TLE7: variants seen among roughly 807,000 people sequenced by gnomAD.
TLE7 encodes the protein transducin-like enhancer protein 7.
chr16:71,431,029 C>T lies in TLE7; in HGVS notation c.1147+92G>A, dbSNP rs571760556. 29 of 399,904 alleles carry T rather than the reference C, an allele frequency of 7.3e-5. No individual in the cohort carries two copies. The South Asian group carries it at 3.7e-3, about 51-fold the overall frequency. The allele number at this position is 399,904 out of a possible 1,614,324, so 24.8% of individuals were successfully genotyped here. The stretch of plus-strand genomic sequence containing the variant: ...GCAGGATCTCCCATTACGGAGGGAG[C>T]CAGAAAAGGAAAGGGGGGTGAACAG... On this transcript the variant is annotated intron_variant, in intron 8 of 9. Transcript: ENST00000561754. The surrounding 1 kb of genome is among the most constrained non-coding windows in gnomAD (Gnocchi z 4.5).
At chr16:71,435,134 T>C (rs1007433086) in intron 1 of TLE7, among the ~76,000 whole-genome samples, 6 of 152,164 alleles carry the variant, frequency 3.9e-5, no homozygotes, top group Non-Finnish European at 7.3e-5. Flanking sequence ...AGGACATGGC[T>C]AGGCACGGTA....
chr16:71,436,048 C>A (rs2042824879), intron 1 of TLE7, among the ~76,000 whole-genome samples: 1 of 152,174 alleles, frequency 6.6e-6, no homozygotes, highest in African/African-American at 2.4e-5. Flanking sequence ...TCTTCTCTCT[C>A]CCAGAGCTAG....
Position 71,431,586 on chromosome 16 carries a change from G to A in TLE7, c.852-24C>T. ...TCCTGGTGGGTGGGAAAACAACTCA[G>A]AGGGTCACTGAATGGTTTGGGCCCC... On this transcript the variant is annotated intron_variant, in intron 6 of 9. Transcript: ENST00000561754. This position sits in a 1 kb window ranked among gnomAD's most constrained non-coding sequence, Gnocchi z 4.5. The A allele has an allele frequency of 2.5e-6, 1 of 400,770 alleles. No individual in the cohort carries two copies. The highest frequency in any genetic ancestry group is 4.4e-6 in the Non-Finnish European group (1 of 226,300). The allele number at this position is 400,770 out of a possible 1,614,324, so 24.8% of individuals were successfully genotyped here. A position where few individuals can be genotyped will look rare whatever the true frequency, so the allele number is the denominator to read the frequency against.
intron 1 of TLE7, among the ~76,000 whole-genome samples, chr16:71,439,562 A>G (rs572302183): frequency 5.3e-5 from 8 of 152,158 alleles, no homozygotes; most frequent in Admixed American, 3.9e-4. Flanking sequence ...TTCTAGGGAT[A>G]GAATGGGGGG....
chr16:71,433,814 C>T (rs1350540802), intron 1 of TLE7, among the ~76,000 whole-genome samples: 8 of 152,058 alleles, frequency 5.3e-5, no homozygotes, highest in East Asian at 1.9e-4. Flanking sequence ...AAAAATTAGC[C>T]GGGCATGATG....
At chr16:71,432,582 G>C (rs568166243) in intron 4 of TLE7, 83 bp downstream of exon 4, 4 of 398,702 alleles carry the variant, frequency 1.0e-5, no homozygotes, top group African/African-American at 8.2e-5. Context: ...CTATGGGAGA[G>C]AGAGTGAAAG....
At chr16:71,436,624 C>T (rs1000532108) in intron 1 of TLE7, among the ~76,000 whole-genome samples, 3 of 152,208 alleles carry the variant, frequency 2.0e-5, no homozygotes, top group African/African-American at 4.8e-5. Context: ...TTGAGCTGTT[C>T]GCCAGAGCCA....
chr16:71,441,249 C>CT (rs968701173), intron 1 of TLE7, among the ~76,000 whole-genome samples: 38 of 152,136 alleles, frequency 2.5e-4, no homozygotes, highest in Non-Finnish European at 4.1e-4. Flanking sequence ...GAAAAGTTCA[C>CT]TTTTTTTTGT....
At chr16:71,439,582 G>A (rs1354200090) in intron 1 of TLE7, among the ~76,000 whole-genome samples, 2 of 152,038 alleles carry the variant, frequency 1.3e-5, no homozygotes. Flanking sequence ...GAAGGGACAA[G>A]ACTGGAGGCT....
chr16:71,430,407 G>A (rs1596983812), intron 9 of TLE7, 41 bp from the exon 10 acceptor site: 2 of 398,816 alleles, frequency 5.0e-6, no homozygotes, highest in East Asian at 7.1e-5. Flanking sequence ...CACATTTGGG[G>A]CCAGACATGA....
rs1005653954 is a variant in TLE7 at position 71,431,674 on chromosome 16, G to C, written c.851+87C>G. ...CCAGATATATCTTCTACACTGACTC[G>C]CCCAGCCCTAATGCAAAGAGGGGAA... On this transcript the variant is annotated intron_variant, in intron 6 of 9. Coordinates refer to ENST00000561754, the MANE Select transcript of TLE7 (RefSeq NM_001367365.2). This position sits in a 1 kb window ranked among gnomAD's most constrained non-coding sequence, Gnocchi z 4.5. The C allele has an allele frequency of 2.5e-6, 1 of 400,162 alleles. No individual in the cohort carries two copies. The highest frequency in any genetic ancestry group is 3.6e-5 in the East Asian group (1 of 28,094). 24.8% of individuals were successfully genotyped at this position (400,162 alleles called of 1,614,324 possible). A position where few individuals can be genotyped will look rare whatever the true frequency, so the allele number is the denominator to read the frequency against.
rs1374271671 is a variant in TLE7, at chr16:71,431,924, C to T, written c.688G>A (p.Val230Met). The T allele has an allele frequency of 1.0e-5, 4 of 400,558 alleles. No individual in the cohort carries two copies. Among genetic ancestry groups the T allele is most frequent in the African/African-American group, 6.2e-5 (3 of 48,614 alleles). The allele number at this position is 400,558 out of a possible 1,614,324, so 24.8% of individuals were successfully genotyped here. ...SLITGGASQAVTLWDLAPTPQ... is the reference protein window; with the variant it reads ...SLITGGASQAMTLWDLAPTPQ... ...GTGGGTGCCAAGTCCCAGAGAGTCACGGCCTGGGACGCACCCCCTGTGATC... is the reference window on the plus strand; with the variant it reads ...GTGGGTGCCAAGTCCCAGAGAGTCATGGCCTGGGACGCACCCCCTGTGATC... The change falls in exon 6 of 10, where the codon GTG becomes ATG. Residue 230 changes from valine (V) to methionine (M), a missense_variant. Val to Met is a conservative substitution (Grantham distance 21). Coordinates refer to ENST00000561754, the MANE Select transcript of TLE7 (RefSeq NM_001367365.2). The surrounding 1 kb of genome is among the most constrained non-coding windows in gnomAD (Gnocchi z 4.5).
At chr16:71,430,419 G>A (rs2042797069) in intron 9 of TLE7, 53 bp from the exon 10 acceptor site, 4 of 398,832 alleles carry the variant, frequency 1.0e-5, no homozygotes, top group South Asian at 1.3e-4. Flanking sequence ...CAGACATGAA[G>A]GCTTCATTTA....
chr16:71,433,766 T>G (rs2042816227), intron 1 of TLE7, among the ~76,000 whole-genome samples: 1 of 152,082 alleles, frequency 6.6e-6, no homozygotes. Context: ...GAGACCAGCC[T>G]GGCCAACATT....
chr16:71,430,585 A>C (rs547146565), intron 9 of TLE7, 83 bp downstream of exon 9: 2 of 397,724 alleles, frequency 5.0e-6, no homozygotes, highest in African/African-American at 4.1e-5. Flanking sequence ...GTGTTTTCCA[A>C]CACCCACTGG....
At position 71,431,323 on chromosome 16, in the gene TLE7, A is replaced by C. The variant is rs1353754433; in HGVS notation, c.994-49T>G. The C allele has an allele frequency of 2.5e-6, 1 of 399,116 alleles. No homozygotes were observed. The highest frequency in any genetic ancestry group is 5.2e-4 in the Middle Eastern group (1 of 1,932). The allele number at this position is 399,116 out of a possible 1,614,324, so 24.7% of individuals were successfully genotyped here. A position where few individuals can be genotyped will look rare whatever the true frequency, so the allele number is the denominator to read the frequency against. ...GTCAGCACTCAAAGTTGCCAACGCC[A>C]TCCTTTGTGCCCACCTCTCAAGCTC... On this transcript the variant is annotated intron_variant, in intron 7 of 9. Coordinates refer to ENST00000561754, the MANE Select transcript of TLE7 (RefSeq NM_001367365.2). This position sits in a 1 kb window ranked among gnomAD's most constrained non-coding sequence, Gnocchi z 4.5.
At position 71,431,701 on chromosome 16, in the gene TLE7, G is replaced by C. The variant is rs548363759; in HGVS notation, c.851+60C>G. The C allele has an allele frequency of 2.5e-6, 1 of 400,508 alleles. No individual in the cohort carries two copies. The highest frequency in any genetic ancestry group is 1.3e-4 in the South Asian group (1 of 7,624). 24.8% of individuals were successfully genotyped at this position (400,508 alleles called of 1,614,324 possible). A position where few individuals can be genotyped will look rare whatever the true frequency, so the allele number is the denominator to read the frequency against. On this transcript the variant is annotated intron_variant, in intron 6 of 9. Transcript: ENST00000561754. This position sits in a 1 kb window ranked among gnomAD's most constrained non-coding sequence, Gnocchi z 4.5. ...CCAGCCCTAATGCAAAGAGGGGAAAGAGCCTCACTGGCAAGCCCTCCCCCA... is the reference window on the plus strand; with the variant it reads ...CCAGCCCTAATGCAAAGAGGGGAAACAGCCTCACTGGCAAGCCCTCCCCCA...
In TLE7 at chr16:71,431,980, G is replaced by A. The variant is rs986884764; in HGVS notation, c.632C>T (p.Thr211Ile). The A allele has an allele frequency of 1.0e-5, 4 of 400,620 alleles. No individual in the cohort carries two copies. Among genetic ancestry groups the A allele is most frequent in the Admixed American group, 4.4e-5 (1 of 22,724 alleles). 24.8% of individuals were successfully genotyped at this position (400,620 alleles called of 1,614,324 possible). ...DLQHPQDRVV[T>I]CKLFPDERSL... is the part of the protein sequence containing the mutation. ...CCGCTCATCAGGGAACAGCTTGCAGGTAACAACACGGTCCTGGGGATGCTG... is the reference window on the plus strand; with the variant it reads ...CCGCTCATCAGGGAACAGCTTGCAGATAACAACACGGTCCTGGGGATGCTG... The change falls in exon 6 of 10, where the codon ACC becomes ATC. Residue 211 changes from threonine to isoleucine, a missense_variant. Coordinates refer to ENST00000561754, the MANE Select transcript of TLE7 (RefSeq NM_001367365.2). The surrounding 1 kb of genome is among the most constrained non-coding windows in gnomAD (Gnocchi z 4.5).
chr16:71,441,722 C>T (rs887883153), intron 1 of TLE7, among the ~76,000 whole-genome samples: 1 of 152,264 alleles, frequency 6.6e-6, no homozygotes. Context: ...GGGCCCCGCT[C>T]CCCTGCCCCC....
Sources: allele counts gnomAD v4.1 joint callset (sites outside exome capture counted in the v4.1 genomes callset), GRCh38; gene constraint gnomAD v4.1.1; non-coding constraint Gnocchi (gnomAD v3.1); transcripts MANE v1.5; gene names NCBI Gene and HGNC (gene_info 2026-07-23, HGNC 2026-07-21).